Variants in SEMA5A observed in about 807,000 individuals in gnomAD.
The protein encoded by SEMA5A is semaphorin 5A.
In SEMA5A, 55 loss-of-function variants were observed where a neutral mutation model predicts 135.5. The observed-to-expected ratio is 0.41, with a 90% confidence interval of 0.33 to 0.51. The LOEUF is 0.51. SEMA5A is among the 20% of genes least tolerant of loss of function. SEMA5A has a pLI of 0.37. For missense variants in SEMA5A, 1,290 were observed against 1,419.9 expected (o/e 0.91, Z 1.47); for synonymous variants, 580 against 546.5 (o/e 1.06, Z -0.85).
chr5:9,508,740 C>A (rs1736046559), intron 1 of SEMA5A, among the ~76,000 whole-genome samples: 1 of 152,216 alleles, frequency 6.6e-6, no homozygotes, highest in South Asian at 2.1e-4. Flanking sequence ...ATTTTCCCTT[C>A]CACAGCCCTC....
At chr5:9,352,008 T>C (rs2150751641) in intron 3 of SEMA5A, among the ~76,000 whole-genome samples, 1 of 150,602 alleles carries the variant, frequency 6.6e-6, no homozygotes, top group South Asian at 2.1e-4. Flanking sequence ...TTCTCATTTC[T>C]CCATGTTGAT....
At chr5:9,225,568 C>CA (rs3034595) in intron 7 of SEMA5A, among the ~76,000 whole-genome samples, 4,533 of 112,236 alleles carry the variant, frequency 0.04, 137 homozygotes, top group Middle Eastern at 0.079. Flanking sequence ...GACTCTGTCT[C>CA]AAAAAAAAAA....
intron 2 of SEMA5A, among the ~76,000 whole-genome samples, chr5:9,402,214 C>T (rs1756687985): frequency 6.6e-6 from 1 of 152,194 alleles, no homozygotes; most frequent in Non-Finnish European, 1.5e-5. Flanking sequence ...TATAAACACA[C>T]AATCACAGAG....
chr5:9,230,073 C>A (rs1747536592), intron 6 of SEMA5A, among the ~76,000 whole-genome samples: 1 of 152,002 alleles, frequency 6.6e-6, no homozygotes, highest in African/African-American at 2.4e-5. Context: ...CAGCCTCGAC[C>A]ACTTGGGCTC....
chr5:9,152,112 G>C (rs147325308), intron 12 of SEMA5A, among the ~76,000 whole-genome samples: 1 of 152,212 alleles, frequency 6.6e-6, no homozygotes, highest in Non-Finnish European at 1.5e-5. Flanking sequence ...CTCAAGGAAG[G>C]AGAGCAACCT....
intron 11 of SEMA5A, among the ~76,000 whole-genome samples, chr5:9,175,722 T>C (rs1744167465): frequency 6.6e-6 from 1 of 152,216 alleles, no homozygotes; most frequent in Non-Finnish European, 1.5e-5. Flanking sequence ...ATAACCAACG[T>C]AATTACTTGT....
At chr5:9,428,360 T>G (rs956229811) in intron 2 of SEMA5A, among the ~76,000 whole-genome samples, 2 of 152,170 alleles carry the variant, frequency 1.3e-5, no homozygotes, top group Non-Finnish European at 2.9e-5. Flanking sequence ...ATGTTTAATA[T>G]GTACTCCTTG....
In SEMA5A at chr5:9,362,393, A is replaced by T. The variant is rs183139356; in HGVS notation, c.124+17430T>A. On this transcript the variant is annotated intron_variant, in intron 3 of 22. Coordinates refer to ENST00000382496, the MANE Select transcript of SEMA5A (RefSeq NM_003966.3). ...TGAGGGTAAGAGATTTCAACCATCA[A>T]CTCGGCCTACTGTTTTGCTGGAAAT... 4.6e-5 allele frequency among the ~76,000 whole-genome samples: 7 copies of T among 152,132 alleles called. No homozygotes were observed. The East Asian group carries it at 1.4e-3, about 29-fold the overall frequency.
At chr5:9,276,065 T>C (rs1750246195) in intron 5 of SEMA5A, among the ~76,000 whole-genome samples, 1 of 152,200 alleles carries the variant, frequency 6.6e-6, no homozygotes, top group Non-Finnish European at 1.5e-5. Flanking sequence ...GAAAATCCCA[T>C]CATCTCAGCC....
chr5:9,083,230 T>C (rs1366998383), intron 16 of SEMA5A, among the ~76,000 whole-genome samples: 1 of 152,236 alleles, frequency 6.6e-6, no homozygotes, highest in African/African-American at 2.4e-5. Context: ...CATCATTTAA[T>C]GGATCTGGGC....
intron 13 of SEMA5A, among the ~76,000 whole-genome samples, chr5:9,128,781 C>T (rs1741250094): frequency 6.6e-6 from 1 of 152,212 alleles, no homozygotes; most frequent in Non-Finnish European, 1.5e-5. Context: ...AAGCACTGGT[C>T]TTCCTTTTCT....
chr5:9,101,467 C>G (rs1391021160), intron 16 of SEMA5A, among the ~76,000 whole-genome samples: 1 of 152,124 alleles, frequency 6.6e-6, no homozygotes, highest in African/African-American at 2.4e-5. Flanking sequence ...TTAAACAATA[C>G]CTGGCATGTA....
intron 1 of SEMA5A, chr5:9,517,110 G>A (rs191756316): frequency 2.6e-5 from 4 of 152,294 alleles, no homozygotes; most frequent in Non-Finnish European, 2.9e-5. Flanking sequence ...AAGGAAGTAC[G>A]ATCTGTTCTT....
chr5:9,258,493 C>G (rs1749204783), intron 5 of SEMA5A, among the ~76,000 whole-genome samples: 1 of 151,990 alleles, frequency 6.6e-6, no homozygotes, highest in Non-Finnish European at 1.5e-5. Flanking sequence ...AATGCACTGG[C>G]TCTCTCTCTC....
intron 11 of SEMA5A, among the ~76,000 whole-genome samples, chr5:9,178,252 G>C (rs1744307588): frequency 6.6e-6 from 1 of 151,286 alleles, no homozygotes. Flanking sequence ...TGTTCAATTT[G>C]CACACTTGGG....
At chr5:9,398,221 T>C (rs1043072783) in intron 2 of SEMA5A, among the ~76,000 whole-genome samples, 2 of 152,174 alleles carry the variant, frequency 1.3e-5, no homozygotes, top group African/African-American at 4.8e-5. Flanking sequence ...AACACTATGA[T>C]ATCCAGAAGC....
chr5:9,474,672 C>G (rs949763386), intron 1 of SEMA5A, among the ~76,000 whole-genome samples: 3 of 152,208 alleles, frequency 2.0e-5, no homozygotes, highest in Admixed American at 1.3e-4. Flanking sequence ...TTTCCATTGT[C>G]AGAGTAGAAA....
At chr5:9,191,912 C>A (rs1745135270) in intron 10 of SEMA5A, among the ~76,000 whole-genome samples, 2 of 134,946 alleles carry the variant, frequency 1.5e-5, no homozygotes, top group African/African-American at 5.5e-5. Flanking sequence ...CTCAGCCCTG[C>A]CATGACCCAT....
intron 16 of SEMA5A, among the ~76,000 whole-genome samples, chr5:9,082,451 G>C (rs1738442660): frequency 2.0e-5 from 3 of 152,096 alleles, no homozygotes; most frequent in Admixed American, 6.6e-5. Context: ...TTTCTTCTCT[G>C]AGTTCACTCA....
Sources: gnomAD v4.1 joint callset for allele counts (sites outside exome capture counted in the v4.1 genomes callset) on GRCh38, gnomAD v4.1.1 for gene constraint, MANE v1.5 for transcripts, NCBI Gene and HGNC (gene_info 2026-07-23, HGNC 2026-07-21) for gene names.